TCP11L2: variants seen among roughly 807,000 people sequenced by gnomAD.
TCP11L2 encodes T-complex protein 11-like protein 2.
In TCP11L2, 39 loss-of-function variants were observed where a neutral mutation model predicts 50.7. The observed-to-expected ratio is 0.77, with a 90% CI of 0.60 to 1.01. TCP11L2 has a LOEUF of 1.01. Ranked by LOEUF, TCP11L2 falls within the 50% of genes least tolerant of loss-of-function variation. The pLI, the probability that TCP11L2 is intolerant of heterozygous loss-of-function variation, is 0.00. For missense variants in TCP11L2, 612 were observed against 614.7 expected (o/e 1.00, Z 0.05); for synonymous variants, 192 against 219.3 (o/e 0.88, Z 1.10).
chr12:106,329,141 C>T (rs769960612), intron 6 of TCP11L2, among the ~76,000 whole-genome samples: 1 of 152,116 alleles, frequency 6.6e-6, no homozygotes, highest in Non-Finnish European at 1.5e-5. Flanking sequence ...GGTAGAAGCA[C>T]GTGTAATACC....
Position 106,335,752 on chromosome 12 carries a change from A to G in TCP11L2, c.886A>G (p.Ser296Gly). ...GAENTSKPSLSPTLVLNNSYL... is the reference protein window; with the variant it reads ...GAENTSKPSLGPTLVLNNSYL... ...CGAAAATACCTCCAAGCCAAGCCTG[A>G]GCCCTACTTTGGTGCTAAATAATAG... The change falls in exon 7 of 10, where the codon AGC becomes GGC. Residue 296 changes from serine (S) to glycine (G), a missense_variant. Ser to Gly is a moderately conservative substitution (Grantham distance 56). Transcript: ENST00000299045. 1 of 1,614,226 alleles carries G rather than the reference A, an allele frequency of 6.2e-7. No homozygotes were observed. The highest frequency in any genetic ancestry group is 8.5e-7 in the Non-Finnish European group (1 of 1,180,036).
chr12:106,309,494 G>C lies in TCP11L2; in HGVS notation c.-35-1547G>C, dbSNP rs2034765495. 1.3e-5 allele frequency among the ~76,000 whole-genome samples: 2 copies of C among 151,976 alleles called. 1 individual carries two copies. Among genetic ancestry groups the C allele is most frequent in the South Asian group, 4.2e-4 (2 of 4,810 alleles). On this transcript the variant is annotated intron_variant, in intron 1 of 9. Coordinates refer to ENST00000299045, the MANE Select transcript of TCP11L2 (RefSeq NM_152772.3). ...TGGCAGGATTGAAGACGGTTGTTTA[G>C]GTGAGGCAAGGCGCAAATGACCTTA... is the stretch of plus-strand genomic sequence containing the variant.
At position 106,321,676 on chromosome 12, in the gene TCP11L2, A is replaced by T. The variant is rs758784304; in HGVS notation, c.605A>T (p.Lys202Met). The change falls in exon 5 of 10, where the codon AAG becomes ATG. Residue 202 changes from lysine to methionine, a missense_variant. Transcript: ENST00000299045. ...PVRDNDIREL[K>M]ATGNIVEVLR... ...CGAGATAATGATATCAGAGAGTTAA[A>T]GGCTACTGGCAACATCGTGGAGGTG... 6.2e-7 allele frequency: 1 copy of T among 1,614,214 alleles called. No homozygotes were observed.
Position 106,335,773 on chromosome 12 carries a change from A to C in TCP11L2, c.907A>C (p.Asn303His). 3 of 1,614,226 alleles carry C rather than the reference A, an allele frequency of 1.9e-6. No individual in the cohort carries two copies. The highest frequency in any genetic ancestry group is 2.5e-6 in the Non-Finnish European group (3 of 1,180,046). Reference protein sequence around the residue: ...PSLSPTLVLNNSYLKLLQWDY... With the variant: ...PSLSPTLVLNHSYLKLLQWDY... The stretch of plus-strand genomic sequence containing the variant: ...CCTGAGCCCTACTTTGGTGCTAAAT[A>C]ATAGTTACTTGAAACTGTTACAGTG... The change falls in exon 7 of 10, where the codon AAT (asparagine) becomes CAT (histidine). Residue 303 changes from asparagine to histidine, a missense_variant. Asn to His is a moderately conservative substitution (Grantham distance 68). Coordinates refer to ENST00000299045, the MANE Select transcript of TCP11L2 (RefSeq NM_152772.3).
chr12:106,321,048 A>G (rs1384388234), intron 4 of TCP11L2, among the ~76,000 whole-genome samples: 1 of 152,202 alleles, frequency 6.6e-6, no homozygotes, highest in Non-Finnish European at 1.5e-5. Flanking sequence ...GTCTTTATTT[A>G]GAAGTTTGGT....
intron 6 of TCP11L2, among the ~76,000 whole-genome samples, chr12:106,334,936 G>C (rs567829882): frequency 6.6e-6 from 1 of 151,578 alleles, no homozygotes; most frequent in Non-Finnish European, 1.5e-5. Context: ...GTGAGACCCC[G>C]TCTTAAAAAA....
In TCP11L2 at chr12:106,344,002, C is replaced by T. The variant is rs551691487; in HGVS notation, c.1316-2284C>T. 1.5e-4 allele frequency among the ~76,000 whole-genome samples: 23 copies of T among 150,766 alleles called. 1 individual carries two copies. The South Asian group carries it at 4.5e-3, about 30-fold the overall frequency. On this transcript the variant is annotated intron_variant, in intron 9 of 9. Transcript: ENST00000299045. The stretch of plus-strand genomic sequence containing the variant: ...AGTAATTTCAGTTGCACAGGTGATA[C>T]AATAATTTCTCCTTGTAGAAAAATT...
intron 6 of TCP11L2, chr12:106,330,425 C>G: frequency 1.8e-6 from 1 of 544,402 alleles, no homozygotes. Context: ...ATGTCCCATC[C>G]TGGCAGGGCA....
intron 1 of TCP11L2, among the ~76,000 whole-genome samples, chr12:106,307,696 A>G (rs1281202743): frequency 6.6e-6 from 1 of 152,150 alleles, no homozygotes; most frequent in Non-Finnish European, 1.5e-5. Flanking sequence ...TTGTCTGTCA[A>G]ACAAGTGCCA....
At chr12:106,308,794 T>C (rs920935899) in intron 1 of TCP11L2, among the ~76,000 whole-genome samples, 6 of 152,212 alleles carry the variant, frequency 3.9e-5, no homozygotes, top group Non-Finnish European at 2.9e-5. Flanking sequence ...TAACGTGTCA[T>C]GATATCAGGT....
chr12:106,316,397 A>G (rs2264757), intron 3 of TCP11L2, among the ~76,000 whole-genome samples: 88,796 of 151,796 alleles, frequency 0.58, 26,387 homozygotes, highest in East Asian at 0.77. Context: ...CCCTGACCCC[A>G]TCTCAGTGCT....
chr12:106,307,644 G>C (rs4964174), intron 1 of TCP11L2, among the ~76,000 whole-genome samples: 1 of 152,034 alleles, frequency 6.6e-6, no homozygotes, highest in African/African-American at 2.4e-5. Context: ...AGGAACTTGC[G>C]GAAGACCATT....
rs75658601 is a variant in TCP11L2 at position 106,306,131 on chromosome 12, A to G, written c.-36+3190A>G. Among the ~76,000 whole-genome samples the G allele has an allele frequency of 7.7e-4, 117 of 152,354 alleles. 2 individuals carry two copies. The East Asian group carries it at 0.021, about 28-fold the overall frequency. The stretch of plus-strand genomic sequence containing the variant: ...CTTGTAATAGAGTGGTATTTAAGCT[A>G]TCACAGCAGTGGGCACAATCAGAAT... On this transcript the variant is annotated intron_variant, in intron 1 of 9. Transcript: ENST00000299045.
At chr12:106,343,986 A>T (rs1184877477) in intron 9 of TCP11L2, among the ~76,000 whole-genome samples, 1 of 151,402 alleles carries the variant, frequency 6.6e-6, no homozygotes, top group Non-Finnish European at 1.5e-5. Context: ...AAGTAATTTC[A>T]GTTGCACAGG....
chr12:106,302,485 C>A (rs1022688701), upstream of TCP11L2, among the ~76,000 whole-genome samples: 4 of 150,690 alleles, frequency 2.7e-5, no homozygotes, highest in Non-Finnish European at 5.9e-5. Flanking sequence ...CCCGTCGGCT[C>A]GGCGGCCTCA....
chr12:106,312,209 A>C (rs1489598064), intron 2 of TCP11L2: 3 of 402,320 alleles, frequency 7.5e-6, no homozygotes, highest in African/African-American at 4.3e-5. Context: ...TACCAAGTGA[A>C]TGTACGGTAA....
chr12:106,321,141 A>G lies in TCP11L2; in HGVS notation c.415-345A>G, dbSNP rs528125661. ...AGCCTATCTTAAAATTGGTTTCATTATATATCATTTCACTTAAAGTTGCAA... is the reference window on the plus strand; with the variant it reads ...AGCCTATCTTAAAATTGGTTTCATTGTATATCATTTCACTTAAAGTTGCAA... On this transcript the variant is annotated intron_variant, in intron 4 of 9. Transcript: ENST00000299045. Among the ~76,000 whole-genome samples the G allele has an allele frequency of 3.3e-5, 5 of 152,196 alleles. No individual in the cohort carries two copies. In the East Asian group the frequency reaches 9.6e-4, roughly 29 times the overall value.
chr12:106,326,672 T>C (rs1367203906), intron 6 of TCP11L2, among the ~76,000 whole-genome samples: 1 of 152,116 alleles, frequency 6.6e-6, no homozygotes, highest in Non-Finnish European at 1.5e-5. Context: ...AGATGACTAC[T>C]AGTAAGGGGT....
At chr12:106,344,865 T>G (rs1350078111) in intron 9 of TCP11L2, among the ~76,000 whole-genome samples, 1 of 152,182 alleles carries the variant, frequency 6.6e-6, no homozygotes, top group South Asian at 2.1e-4. Context: ...TGTGTAGTCG[T>G]CTCAAAGTCA....
Sources: allele counts gnomAD v4.1 joint callset (sites outside exome capture counted in the v4.1 genomes callset), GRCh38; gene constraint gnomAD v4.1.1; transcripts MANE v1.5; gene names NCBI Gene and HGNC (gene_info 2026-07-23, HGNC 2026-07-21).